Variants in CEP295 observed in about 807,000 individuals in gnomAD.
The protein encoded by CEP295 is centrosomal protein 295, also known as centrosomal protein of 295 kDa.
CEP295 carries 190 observed loss-of-function variants against 291.6 expected under a neutral mutation model. The observed-to-expected ratio is 0.65, with a 90% CI of 0.58 to 0.73. CEP295 has a LOEUF of 0.73. CEP295 is among the 30% of genes least tolerant of loss of function. The pLI, the probability that CEP295 is intolerant of heterozygous loss-of-function variation, is 0.00. For missense variants in CEP295, 2,863 were observed against 2,949.4 expected (o/e 0.97, Z 0.68); for synonymous variants, 993 against 1,038.8 (o/e 0.96, Z 0.85).
chr11:93,723,559 A>C, intron 21 of CEP295: 1 of 251,870 alleles, frequency 4.0e-6, no homozygotes, highest in Non-Finnish European at 7.6e-6. Flanking sequence ...GGTATTACTG[A>C]TAAATAAGAG....
In CEP295 at chr11:93,666,826, T is replaced by C. The variant is rs1462906264; in HGVS notation, c.108+11T>C. On this transcript the variant is annotated intron_variant, in intron 2 of 29. Coordinates refer to ENST00000325212, the MANE Select transcript of CEP295 (RefSeq NM_033395.2). ...CTAAGATTGCTACAGGTATGACTTA[T>C]TTGTAATAAAGTTTTAAATTCCTTT... is the stretch of plus-strand genomic sequence containing the variant. 16 of 1,379,494 alleles carry C rather than the reference T, an allele frequency of 1.2e-5. No homozygotes were observed. The highest frequency in any genetic ancestry group is 8.7e-5 in the Admixed American group (4 of 45,924). The allele number at this position is 1,379,494 out of a possible 1,614,324, so 85.5% of individuals were successfully genotyped here.
rs1315726195 is a variant in CEP295, at chr11:93,667,595, T to C, written c.109-12T>C. ...CTCCTTTCATATAACCTGTTAAATA[T>C]GCATTCTTTAGGTTCGAGAACAAGA... is the stretch of plus-strand genomic sequence containing the variant. On this transcript the variant is annotated splice_polypyrimidine_tract_variant and intron_variant, in intron 2 of 29. Transcript: ENST00000325212. 2 of 1,525,010 alleles carry C rather than the reference T, an allele frequency of 1.3e-6. No individual in the cohort carries two copies. Among genetic ancestry groups the C allele is most frequent in the African/African-American group, 1.4e-5 (1 of 71,484 alleles). 94.5% of individuals were successfully genotyped at this position (1,525,010 alleles called of 1,614,324 possible). A position where few individuals can be genotyped will look rare whatever the true frequency, so the allele number is the denominator to read the frequency against.
intron 18 of CEP295, among the ~76,000 whole-genome samples, chr11:93,708,111 A>G (rs1311752833): frequency 6.6e-6 from 1 of 152,214 alleles, no homozygotes; most frequent in East Asian, 1.9e-4. Context: ...CTGGTATACA[A>G]TGTGTAATAT....
chr11:93,683,923 C>A, intron 8 of CEP295, 41 bp from the exon 9 acceptor site: 2 of 1,522,434 alleles, frequency 1.3e-6, no homozygotes, highest in South Asian at 2.5e-5. Context: ...TATTTTTAAT[C>A]ATTTTGGAAT....
intron 18 of CEP295, among the ~76,000 whole-genome samples, chr11:93,716,766 A>G (rs1400692654): frequency 1.3e-5 from 2 of 152,256 alleles, no homozygotes; most frequent in African/African-American, 2.4e-5. Flanking sequence ...GCACATGACC[A>G]TCGCTGTGCA....
At chr11:93,716,409 G>A (rs1441949568) in intron 18 of CEP295, among the ~76,000 whole-genome samples, 1 of 152,198 alleles carries the variant, frequency 6.6e-6, no homozygotes, top group Non-Finnish European at 1.5e-5. Context: ...CCTCTTCAGT[G>A]CCTCTGTCAG....
rs1009229752 is a variant in CEP295 at position 93,675,590 on chromosome 11, T to A, written c.548T>A (p.Ile183Asn). Reference sequence around the variant, plus strand: ...TTCCAGAACATCGAAGTAAAAAGAATTTCTGCAGTCAAAACCAATAGTTCT... The same window carrying A: ...TTCCAGAACATCGAAGTAAAAAGAAATTCTGCAGTCAAAACCAATAGTTCT... Reference protein sequence around the residue: ...TLFENIEVKRISAVKTNSSTY... With the variant: ...TLFENIEVKRNSAVKTNSSTY... Residue 183 changes from isoleucine to asparagine, a missense_variant, in exon 6 of 30, where the codon ATT becomes AAT. This residue lies in a region of CEP295 where 554 missense variants were observed against 576.0 expected (regional missense o/e 0.96). Transcript: ENST00000325212. The A allele has an allele frequency of 3.3e-6, 5 of 1,500,236 alleles. No individual in the cohort carries two copies. The African/African-American group carries it at 7.2e-5, about 21-fold the overall frequency. The allele number at this position is 1,500,236 out of a possible 1,614,324, so 92.9% of individuals were successfully genotyped here.
At chr11:93,728,585 A>G in intron 24 of CEP295, 96 bp from the exon 25 acceptor site, 2 of 1,079,260 alleles carry the variant, frequency 1.9e-6, no homozygotes, top group Non-Finnish European at 2.5e-6. Context: ...TCACATTTAT[A>G]TACACTTGCA....
chr11:93,691,814 C>A, intron 11 of CEP295, 39 bp downstream of exon 11: 1 of 1,351,576 alleles, frequency 7.4e-7, no homozygotes, highest in South Asian at 1.3e-5. Context: ...AAATTTGACT[C>A]CTTGCATCTT....
At chr11:93,705,697 T>A (rs1399753992) in intron 17 of CEP295, among the ~76,000 whole-genome samples, 1 of 152,220 alleles carries the variant, frequency 6.6e-6, no homozygotes, top group Non-Finnish European at 1.5e-5. Flanking sequence ...CATTTTTTTG[T>A]TGTCTCTGTC....
chr11:93,680,201 C>CG (rs1275061868), intron 7 of CEP295, among the ~76,000 whole-genome samples: 6 of 152,048 alleles, frequency 3.9e-5, no homozygotes, highest in African/African-American at 1.4e-4. Context: ...CACCTGAGCC[C>CG]GGGACAAGGA....
intron 18 of CEP295, among the ~76,000 whole-genome samples, chr11:93,715,913 G>T (rs1037863364): frequency 1.3e-5 from 2 of 151,894 alleles, no homozygotes; most frequent in African/African-American, 2.4e-5. Flanking sequence ...GAAGGAGGGG[G>T]TCTCTTTTGG....
intron 3 of CEP295, 53 bp from the exon 4 acceptor site, chr11:93,668,755 A>G: frequency 8.0e-7 from 1 of 1,256,804 alleles, no homozygotes; most frequent in Non-Finnish European, 1.1e-6. Flanking sequence ...CATATGAGAC[A>G]CATTTCTATT....
chr11:93,663,082 AG>A (rs1385098467), intron 1 of CEP295, among the ~76,000 whole-genome samples: 4 of 152,226 alleles, frequency 2.6e-5, no homozygotes, highest in African/African-American at 4.8e-5. Context: ...TCCCAGATTA[AG>A]GGGGACATGA....
intron 5 of CEP295, among the ~76,000 whole-genome samples, chr11:93,670,994 C>G (rs947357058): frequency 6.6e-6 from 1 of 152,088 alleles, no homozygotes; most frequent in Non-Finnish European, 1.5e-5. Context: ...GCGATCCTCC[C>G]ACCTCAGCCT....
At chr11:93,719,382 C>T (rs1953527353) in intron 18 of CEP295, among the ~76,000 whole-genome samples, 1 of 151,976 alleles carries the variant, frequency 6.6e-6, no homozygotes, top group African/African-American at 2.4e-5. Flanking sequence ...ATCCGACTGC[C>T]TCAGCCTCCG....
At chr11:93,729,295 G>A in intron 25 of CEP295, 139 bp from the exon 26 acceptor site, 1 of 641,642 alleles carries the variant, frequency 1.6e-6, no homozygotes, top group Non-Finnish European at 2.7e-6. Context: ...ATCAGGCATG[G>A]TGGCGGGTCT....
chr11:93,703,791 C>T (rs1320410747), intron 17 of CEP295, among the ~76,000 whole-genome samples: 3 of 125,132 alleles, frequency 2.4e-5, no homozygotes, highest in Non-Finnish European at 4.9e-5. Flanking sequence ...TTTTTTGAGA[C>T]AGAGTCTCGC....
Position 93,729,732 on chromosome 11 carries a change from T to A in CEP295, c.7518T>A (p.His2506Gln). 1 of 1,549,844 alleles carries A rather than the reference T, an allele frequency of 6.5e-7. No homozygotes were observed. The highest frequency in any genetic ancestry group is 8.7e-7 in the Non-Finnish European group (1 of 1,145,756). Residue 2506 changes from histidine (H) to glutamine (Q), a missense_variant, in exon 27 of 30, where the codon CAT (histidine) becomes CAA (glutamine). By Grantham distance (24) the His-to-Gln change is conservative. Transcript: ENST00000325212. ...AGAAAGAAATAAGGAATAAAATTCA[T>A]GTCTCTGAAAATTCTCAAATCAAAA... The part of the protein sequence containing the change: ...QRQKEIRNKI[H>Q]VSENSQIKTV...
Sources: allele counts gnomAD v4.1 joint callset (sites outside exome capture counted in the v4.1 genomes callset), GRCh38; gene constraint gnomAD v4.1.1; regional missense constraint gnomAD v4.1.1; transcripts MANE v1.5; gene names NCBI Gene and HGNC (gene_info 2026-07-23, HGNC 2026-07-21).